FAAH2: variants seen among roughly 807,000 people sequenced by gnomAD.
FAAH2 encodes the protein fatty acid amide hydrolase 2, also known as fatty-acid amide hydrolase 2.
In FAAH2, 60 loss-of-function variants were observed where a neutral mutation model predicts 36.9. The ratio of observed to expected loss-of-function variants is 1.63; its 90% CI spans 1.32 to 2.02. The LOEUF is 2.02. FAAH2 is among the 30% of genes most tolerant of loss of function. FAAH2 has a pLI of 0.00. For synonymous variants in FAAH2, 214 were observed against 143.8 expected, an observed-to-expected ratio of 1.49 and a Z score of -3.49; for missense variants, 689 against 397.5, an observed-to-expected ratio of 1.73 and a Z score of -6.23.
At chrX:57,407,756 C>T (rs2055603155) in intron 7 of FAAH2, among the ~76,000 whole-genome samples, 1 of 111,968 alleles carries the variant, frequency 8.9e-6, no homozygotes, top group Non-Finnish European at 1.9e-5. Flanking sequence ...CAGAAAGACA[C>T]TAATTTCCTT....
intron 2 of FAAH2, among the ~76,000 whole-genome samples, chrX:57,292,860 T>A (rs1201588317): frequency 8.9e-6 from 1 of 111,837 alleles, no homozygotes; most frequent in Non-Finnish European, 1.9e-5. Flanking sequence ...GTCTACAGTT[T>A]GGTAGGCATC....
At chrX:57,421,896 C>T (rs1341987575) in intron 7 of FAAH2, among the ~76,000 whole-genome samples, 9 of 111,420 alleles carry the variant, frequency 8.1e-5, no homozygotes, top group Non-Finnish European at 1.3e-4. Context: ...CTACTAAATC[C>T]AATGAGAATT....
At chrX:57,130,988 C>T in the FAAH2 span, among the ~76,000 whole-genome samples, 2 of 112,080 alleles carry the variant, frequency 1.8e-5, no homozygotes, top group African/African-American at 6.5e-5. Flanking sequence ...ACCCTAATTC[C>T]CCTGGCTGCA....
chrX:57,252,470 G>T, the FAAH2 span, among the ~76,000 whole-genome samples: 1 of 112,312 alleles, frequency 8.9e-6, no homozygotes, highest in African/African-American at 3.2e-5. Context: ...TAGCCTGATT[G>T]GTAGACACCT....
rs928027948 is a variant in FAAH2, at chrX:57,387,241, A to T, written c.996+6212A>T. 5.8e-4 allele frequency among the ~76,000 whole-genome samples: 65 copies of T among 111,709 alleles called. 1 individual carries two copies. The highest frequency in any genetic ancestry group is 2.0e-3 in the African/African-American group (63 of 30,849). ...TTAGATAAGCATGCTAACCATCACC[A>T]TTATTATTTATAGAAAGTATGCCAA... On this transcript the variant is annotated intron_variant, in intron 7 of 10. Coordinates refer to ENST00000374900, the MANE Select transcript of FAAH2 (RefSeq NM_174912.4).
At chrX:57,206,211 T>A in the FAAH2 span, among the ~76,000 whole-genome samples, 1 of 112,152 alleles carries the variant, frequency 8.9e-6, no homozygotes, top group African/African-American at 3.2e-5. Flanking sequence ...AGAAAATAGA[T>A]TACTCACAGC....
the FAAH2 span, among the ~76,000 whole-genome samples, chrX:57,256,755 G>A: frequency 8.9e-6 from 1 of 111,964 alleles, no homozygotes; most frequent in East Asian, 2.8e-4. Context: ...AGAGTGAACA[G>A]GCAACCTACA....
intron 7 of FAAH2, among the ~76,000 whole-genome samples, chrX:57,401,432 C>T (rs749405346): frequency 2.7e-5 from 3 of 111,660 alleles, no homozygotes; most frequent in African/African-American, 9.8e-5. Context: ...GGACTGTAAA[C>T]CACTCTGCTT....
At position 57,432,009 on chromosome X, in the gene FAAH2, T is replaced by G. The variant is rs377460431; in HGVS notation, c.1088T>G (p.Met363Arg). 1 of 1,206,547 alleles carries G rather than the reference T, an allele frequency of 8.3e-7. No individual in the cohort carries two copies. The highest frequency in any genetic ancestry group is 1.7e-5 in the African/African-American group (1 of 57,533). The part of the protein sequence containing the change: ...MKYSFQLWIA[M>R]MSAKGHDGKE... ...TACTCTTTTCAGTTGTGGATCGCAA[T>G]GATGTCAGCAAAGGGACATGATGGG... The change falls in exon 8 of 11, where the codon ATG (methionine) becomes AGG (arginine). Residue 363 changes from methionine to arginine, a missense_variant. Met to Arg is a moderately conservative substitution (Grantham distance 91). Transcript: ENST00000374900.
intron 5 of FAAH2, among the ~76,000 whole-genome samples, chrX:57,364,378 G>C (rs1272838105): frequency 9.9e-6 from 1 of 101,468 alleles, no homozygotes; most frequent in African/African-American, 3.6e-5. Context: ...ATTTTTTTGT[G>C]TTTCTGTGTG....
chrX:57,333,132 A>G lies in FAAH2; in HGVS notation c.622+1325A>G, dbSNP rs1156561968. Among the ~76,000 whole-genome samples, 4 of 111,465 alleles carry G rather than the reference A, an allele frequency of 3.6e-5. No individual in the cohort carries two copies. In the Admixed American group the frequency reaches 3.8e-4, roughly 11 times the overall value. ...GGATTTTCTATAATGGGAGTTCTAT[A>G]TAAACCAGAAGAACAGTACATCATA... On this transcript the variant is annotated intron_variant, in intron 4 of 10. Coordinates refer to ENST00000374900, the MANE Select transcript of FAAH2 (RefSeq NM_174912.4).
chrX:57,433,964 C>T (rs1361150093), intron 8 of FAAH2, among the ~76,000 whole-genome samples: 1 of 111,583 alleles, frequency 9.0e-6, no homozygotes, highest in African/African-American at 3.3e-5. Flanking sequence ...TGTACTATAA[C>T]ACTCTCAAAT....
chrX:57,484,924 T>C (rs1400407353), intron 10 of FAAH2, among the ~76,000 whole-genome samples: 1 of 109,717 alleles, frequency 9.1e-6, no homozygotes, highest in Non-Finnish European at 1.9e-5. Flanking sequence ...ATGGGGAGAG[T>C]TGGGTTGGTC....
chrX:57,237,568 T>C, the FAAH2 span, among the ~76,000 whole-genome samples: 1 of 110,918 alleles, frequency 9.0e-6, no homozygotes, highest in Non-Finnish European at 1.9e-5. Context: ...CTGACACCTC[T>C]CTATCATGAC....
intron 2 of FAAH2, among the ~76,000 whole-genome samples, chrX:57,305,036 C>T (rs1308300261): frequency 1.0e-5 from 1 of 99,012 alleles, no homozygotes; most frequent in Non-Finnish European, 2.1e-5. Context: ...ACATTTTATT[C>T]TTCCTTAAGG....
At chrX:57,267,311 G>C in the FAAH2 span, among the ~76,000 whole-genome samples, 477 of 113,046 alleles carry the variant, frequency 4.2e-3, 3 homozygotes, top group African/African-American at 0.015. Context: ...TGCAGACTTA[G>C]CCTTGGCTGG....
chrX:57,135,611 C>T, the FAAH2 span: 3 of 859,405 alleles, frequency 3.5e-6, no homozygotes, highest in Admixed American at 4.0e-5. Flanking sequence ...CAAACACACC[C>T]GAACTTTTCA....
At chrX:57,272,826 A>G in the FAAH2 span, among the ~76,000 whole-genome samples, 1 of 112,396 alleles carries the variant, frequency 8.9e-6, no homozygotes, top group East Asian at 2.8e-4. Context: ...GAACATCAAC[A>G]CTATGAAGAA....
At chrX:57,386,707 T>C (rs745742115) in intron 7 of FAAH2, among the ~76,000 whole-genome samples, 1 of 111,713 alleles carries the variant, frequency 9.0e-6, no homozygotes, top group Non-Finnish European at 1.9e-5. Context: ...AACCATATTT[T>C]TGCTGGCCTG....
Sources: gnomAD v4.1 joint callset for allele counts (sites outside exome capture counted in the v4.1 genomes callset) on GRCh38, gnomAD v4.1.1 for gene constraint, MANE v1.5 for transcripts, NCBI Gene and HGNC (gene_info 2026-07-23, HGNC 2026-07-21) for gene names.